SLC14A2: variants seen among roughly 807,000 people sequenced by gnomAD.
The protein encoded by SLC14A2 is urea transporter 2.
A neutral mutation model predicts 104.6 loss-of-function variants in SLC14A2; 91 were observed. That is an observed-to-expected ratio of 0.87 (90% CI 0.73 to 1.04). The LOEUF is 1.04. Among genes scored for constraint, SLC14A2 ranks in the 50% least tolerant of loss-of-function variants. SLC14A2 has a pLI of 0.00. For synonymous variants in SLC14A2, 476 were observed against 466.4 expected, an observed-to-expected ratio of 1.02 and a Z score of -0.27; for missense variants, 1,189 against 1,156.0, an observed-to-expected ratio of 1.03 and a Z score of -0.41.
chr18:45,606,734 T>TAA (rs781251287), intron 2 of SLC14A2, among the ~76,000 whole-genome samples: 22 of 76,644 alleles, frequency 2.9e-4, no homozygotes, highest in African/African-American at 9.0e-4. Context: ...AAAGTCTAAT[T>TAA]AAAAAAAAAA....
At chr18:45,425,919 C>T (rs189187134) in intron 1 of SLC14A2, among the ~76,000 whole-genome samples, 1 of 152,048 alleles carries the variant, frequency 6.6e-6, no homozygotes, top group Admixed American at 6.5e-5. Context: ...TGTGTGCTGT[C>T]CCCGACTTCA....
At chr18:45,379,964 C>T (rs2085816526) in intron 1 of SLC14A2, among the ~76,000 whole-genome samples, 1 of 152,194 alleles carries the variant, frequency 6.6e-6, no homozygotes, top group Admixed American at 6.5e-5. Flanking sequence ...CCCACCCCAC[C>T]TTCCTCGCCA....
intron 1 of SLC14A2, among the ~76,000 whole-genome samples, chr18:45,454,298 C>A (rs375407454): frequency 1.3e-5 from 2 of 152,172 alleles, no homozygotes; most frequent in African/African-American, 4.8e-5. Flanking sequence ...AGTGACCGAT[C>A]CAGGTTCACA....
At chr18:45,337,116 C>T (rs1314329598) in intron 1 of SLC14A2, among the ~76,000 whole-genome samples, 1 of 151,744 alleles carries the variant, frequency 6.6e-6, no homozygotes, top group Non-Finnish European at 1.5e-5. Flanking sequence ...AGAATAGGAA[C>T]TCAGAAGGGC....
chr18:45,391,872 G>A (rs896796595), intron 1 of SLC14A2, among the ~76,000 whole-genome samples: 20 of 152,132 alleles, frequency 1.3e-4, no homozygotes, highest in African/African-American at 3.9e-4. Flanking sequence ...CCCATTTTGT[G>A]GGTTGCCTGT....
chr18:45,676,392 T>C (rs1806327389), intron 18 of SLC14A2, among the ~76,000 whole-genome samples: 1 of 152,186 alleles, frequency 6.6e-6, no homozygotes, highest in South Asian at 2.1e-4. Flanking sequence ...GGATACCAGC[T>C]GGGAAAGGAC....
intron 1 of SLC14A2, among the ~76,000 whole-genome samples, chr18:45,298,549 G>T (rs1469790446): frequency 1.3e-5 from 2 of 152,090 alleles, no homozygotes; most frequent in East Asian, 3.8e-4. Flanking sequence ...TCCAGCCCAT[G>T]GCCCTAATCA....
chr18:45,464,647 C>G (rs559873467), intron 1 of SLC14A2, among the ~76,000 whole-genome samples: 1 of 152,110 alleles, frequency 6.6e-6, no homozygotes, highest in African/African-American at 2.4e-5. Flanking sequence ...TTGTGGAATG[C>G]TAGAAAGTCT....
upstream of SLC14A2, among the ~76,000 whole-genome samples, chr18:45,613,247 C>T (rs1669019023): frequency 6.6e-6 from 1 of 152,078 alleles, no homozygotes; most frequent in Non-Finnish European, 1.5e-5. Context: ...TGGTCTTGAT[C>T]TCCTGACCTC....
rs1050953017 is a variant in SLC14A2, at chr18:45,414,891, C to T, written c.-124-68342C>T. 7.3e-5 allele frequency among the ~76,000 whole-genome samples: 11 copies of T among 150,290 alleles called. 1 individual carries two copies. Among genetic ancestry groups the T allele is most frequent in the Non-Finnish European group, 1.2e-4 (8 of 67,714 alleles). On this transcript the variant is annotated intron_variant, in intron 1 of 20. Coordinates refer to the SLC14A2 transcript ENST00000586448. ...CTTCCCTTCTCTCCTTTCAGAGCTCCTCACATACTAAGTGCCCAGTGTGTT... is the reference window on the plus strand; with the variant it reads ...CTTCCCTTCTCTCCTTTCAGAGCTCTTCACATACTAAGTGCCCAGTGTGTT...
chr18:45,265,201 G>A lies in SLC14A2; in HGVS notation c.-125+52010G>A, dbSNP rs540675161. 2.1e-4 allele frequency among the ~76,000 whole-genome samples: 32 copies of A among 152,264 alleles called. No individual in the cohort carries two copies. The East Asian group carries it at 6.2e-3, about 29-fold the overall frequency. On this transcript the variant is annotated intron_variant, in intron 1 of 20. Transcript: ENST00000586448. ...AGGTTGGATCAGAAGTCAGAGTAAG[G>A]CTATGACAATTTTCTTCAAGCTTAT... is the stretch of plus-strand genomic sequence containing the variant.
intron 2 of SLC14A2, among the ~76,000 whole-genome samples, chr18:45,508,630 C>T (rs1455491362): frequency 6.6e-6 from 1 of 152,190 alleles, no homozygotes; most frequent in Non-Finnish European, 1.5e-5. Context: ...TCTTTGCTTG[C>T]CAGCCTACTA....
chr18:45,267,037 A>T (rs2084598974), intron 1 of SLC14A2, among the ~76,000 whole-genome samples: 1 of 152,140 alleles, frequency 6.6e-6, no homozygotes, highest in Non-Finnish European at 1.5e-5. Flanking sequence ...GGGCACTGGG[A>T]GGTTCTCCAA....
At chr18:45,391,333 C>T (rs955689099) in intron 1 of SLC14A2, among the ~76,000 whole-genome samples, 5 of 152,176 alleles carry the variant, frequency 3.3e-5, no homozygotes, top group African/African-American at 9.7e-5. Flanking sequence ...CATTGTTGGA[C>T]ATTTGGCTTA....
intron 10 of SLC14A2, among the ~76,000 whole-genome samples, chr18:45,653,205 G>A (rs1442038594): frequency 7.4e-5 from 11 of 149,092 alleles, no homozygotes; most frequent in Admixed American, 6.0e-4. Context: ...GCAGGCGACC[G>A]ACCTCCCCTC....
intron 1 of SLC14A2, among the ~76,000 whole-genome samples, chr18:45,426,571 C>T (rs1320582274): frequency 2.0e-5 from 3 of 149,612 alleles, no homozygotes; most frequent in African/African-American, 7.4e-5. Context: ...TGTGTATACA[C>T]ACATATATAT....
the SLC14A2 span, among the ~76,000 whole-genome samples, chr18:45,193,725 C>A: frequency 6.6e-6 from 1 of 152,018 alleles, no homozygotes; most frequent in Non-Finnish European, 1.5e-5. Flanking sequence ...CAAATTTTAG[C>A]ACCAGTTTTT....
intron 1 of SLC14A2, among the ~76,000 whole-genome samples, chr18:45,466,435 T>C (rs1333120966): frequency 6.6e-6 from 1 of 151,670 alleles, no homozygotes; most frequent in African/African-American, 2.4e-5. Context: ...AAGAATGTGC[T>C]AGCAAAGCTG....
At chr18:45,631,035 C>T (rs145015073) in intron 4 of SLC14A2, among the ~76,000 whole-genome samples, 1 of 152,222 alleles carries the variant, frequency 6.6e-6, no homozygotes. Context: ...AAGCCACAGC[C>T]CCTGCTGGGT....
Sources: gnomAD v4.1 joint callset for allele counts (sites outside exome capture counted in the v4.1 genomes callset) on GRCh38, gnomAD v4.1.1 for gene constraint, MANE v1.5 for transcripts, NCBI Gene and HGNC (gene_info 2026-07-23, HGNC 2026-07-21) for gene names.